The following SPINDOC variants were observed in gnomAD, a reference collection of about 807,000 sequenced individuals.
SPINDOC encodes the protein spindlin interactor and repressor of chromatin-binding protein.
In SPINDOC, 13 loss-of-function variants were observed where a neutral mutation model predicts 30.7. The observed-to-expected ratio is 0.42, with a 90% CI of 0.28 to 0.67. The LOEUF is 0.67. Among genes scored for constraint, SPINDOC ranks in the 30% least tolerant of loss-of-function variants. SPINDOC has a pLI of 0.22. For missense variants in SPINDOC, 438 were observed against 518.0 expected, an observed-to-expected ratio of 0.85 and a Z score of 1.50; for synonymous variants, 228 against 211.4, an observed-to-expected ratio of 1.08 and a Z score of -0.68.
At position 63,819,994 on chromosome 11, in the gene SPINDOC, A is replaced by G. The variant is rs145084111; in HGVS notation, c.934+992A>G. Among the ~76,000 whole-genome samples the G allele has an allele frequency of 1.1e-3, 161 of 152,294 alleles. 1 individual carries two copies. Among genetic ancestry groups the G allele is most frequent in the Admixed American group, 7.5e-3 (115 of 15,286 alleles). On this transcript the variant is annotated intron_variant, in intron 5 of 5. Coordinates refer to ENST00000294244, the MANE Select transcript of SPINDOC (RefSeq NM_138471.3). ...AGCAATTCAGTTAGGTGTCCAGAGA[A>G]TAGATAAGATGAGCAGTGGACAGAC...
At chr11:63,820,726 C>G (rs961129360) in intron 5 of SPINDOC, among the ~76,000 whole-genome samples, 2 of 150,882 alleles carry the variant, frequency 1.3e-5, no homozygotes, top group Non-Finnish European at 1.5e-5. Context: ...CCCGTCTCTA[C>G]TAAAAATACA....
chr11:63,817,841 G>A lies in SPINDOC; in HGVS notation c.164G>A (p.Ser55Asn), dbSNP rs2015384822. The stretch of plus-strand genomic sequence containing the variant: ...GAGAAGACCCCACCGCCTAGACCCA[G>A]CCCGCTAGAGGCAGGCAGTGATGGC... ...QQEKTPPPRPSPLEAGSDGCE... is the reference protein window; with the variant it reads ...QQEKTPPPRPNPLEAGSDGCE... The change falls in exon 2 of 6, where the codon AGC (serine) becomes AAC (asparagine). Residue 55 changes from serine to asparagine, a missense_variant. Around this residue, in one of 3 missense-constraint regions of SPINDOC, gnomAD observed 129 missense variants for 152.7 expected, o/e 0.84. Transcript: ENST00000294244. The A allele has an allele frequency of 6.2e-7, 1 of 1,604,974 alleles. No homozygotes were observed. Among genetic ancestry groups the A allele is most frequent in the African/African-American group, 1.3e-5 (1 of 74,726 alleles).
At chr11:63,814,036 C>G (rs1304989263) in intron 1 of SPINDOC, among the ~76,000 whole-genome samples, 1 of 152,238 alleles carries the variant, frequency 6.6e-6, no homozygotes, top group Non-Finnish European at 1.5e-5. Context: ...CCCTTTCCCC[C>G]GCCCAGGGTC....
In SPINDOC at chr11:63,813,800, G is replaced by A. The variant is rs759476713; in HGVS notation, c.114G>A (p.Glu38=). Reference sequence around the variant, plus strand: ...TGGTGGCCGTAATTCCGCGGCCCGAGCCGATGCTCAGAGGTGAGGATGGAG... The same window carrying A: ...TGGTGGCCGTAATTCCGCGGCCCGAACCGATGCTCAGAGGTGAGGATGGAG... The part of the protein sequence containing the change: ...AMVVAVIPRP[E]PMLRVTQQEK... The change falls in exon 1 of 6, where the codon GAG becomes GAA. Residue 38 remains glutamate (E), a synonymous_variant. Transcript: ENST00000294244. The A allele has an allele frequency of 1.9e-6, 3 of 1,578,748 alleles. No homozygotes were observed. The highest frequency in any genetic ancestry group is 1.7e-6 in the Non-Finnish European group (2 of 1,162,974).
rs1375577672 is a variant in SPINDOC at position 63,826,941 on chromosome 11, G to C, written c.948G>C (p.Gly316=). The change falls in exon 6 of 6, where the codon GGG becomes GGC. Residue 316 remains glycine (G), a synonymous_variant. Coordinates refer to ENST00000294244, the MANE Select transcript of SPINDOC (RefSeq NM_138471.3). The stretch of plus-strand genomic sequence containing the variant: ...ATCCCTGCCCAGCTCCCCCTCCGGG[G>C]CTCCGCGGGACACTGGATCTCCAGG... ...AESPSPAPPP[G]LRGTLDLQVI... 2 of 1,556,654 alleles carry C rather than the reference G, an allele frequency of 1.3e-6. No homozygotes were observed. The highest frequency in any genetic ancestry group is 1.7e-5 in the Admixed American group (1 of 59,562).
At chr11:63,813,898 G>C in intron 1 of SPINDOC, 85 bp downstream of exon 1, 1 of 1,396,236 alleles carries the variant, frequency 7.2e-7, no homozygotes, top group Non-Finnish European at 9.4e-7. Context: ...TCCGGGACCC[G>C]GGCACCTTCT....
chr11:63,813,962 G>A, intron 1 of SPINDOC, 149 bp downstream of exon 1: 1 of 1,022,384 alleles, frequency 9.8e-7, no homozygotes, highest in Non-Finnish European at 1.3e-6. Context: ...GGTCCAGGGC[G>A]CGCTCTTGCA....
intron 1 of SPINDOC, among the ~76,000 whole-genome samples, chr11:63,814,590 A>G (rs1392611970): frequency 6.6e-6 from 1 of 152,156 alleles, no homozygotes; most frequent in East Asian, 1.9e-4. Context: ...ATGCATGAAA[A>G]TGCAAATATA....
chr11:63,818,219 C>T lies in SPINDOC; in HGVS notation c.461C>T (p.Ser154Leu), dbSNP rs376527514. 18 of 1,613,946 alleles carry T rather than the reference C, an allele frequency of 1.1e-5. No individual in the cohort carries two copies. The highest frequency in any genetic ancestry group is 1.6e-4 in the Middle Eastern group (1 of 6,084). ...ATTGTGCTCTTGCTCCCTGCAGACTCGGGCCAGGATGCCCACCCAGACCCA... is the reference window on the plus strand; with the variant it reads ...ATTGTGCTCTTGCTCCCTGCAGACTTGGGCCAGGATGCCCACCCAGACCCA... ...AEQPSPPNSDSGQDAHPDPDA... is the reference protein window; with the variant it reads ...AEQPSPPNSDLGQDAHPDPDA... The change falls in exon 3 of 6, where the codon TCG becomes TTG. Residue 154 changes from serine to leucine, a missense_variant. Coordinates refer to ENST00000294244, the MANE Select transcript of SPINDOC (RefSeq NM_138471.3). This position sits in a 1 kb window ranked among gnomAD's most constrained non-coding sequence, Gnocchi z 5.3.
chr11:63,823,247 T>C, intron 5 of SPINDOC: 1 of 1,284,052 alleles, frequency 7.8e-7, no homozygotes, highest in East Asian at 5.6e-5. Flanking sequence ...ACCCAAAGCT[T>C]GGACAGATTT....
At chr11:63,824,552 G>T (rs1160544076) in intron 5 of SPINDOC, among the ~76,000 whole-genome samples, 1 of 152,006 alleles carries the variant, frequency 6.6e-6, no homozygotes, top group Non-Finnish European at 1.5e-5. Context: ...CCGCAGCCGT[G>T]GGTCAGTGTC....
chr11:63,822,107 C>G (rs572328289), intron 5 of SPINDOC, among the ~76,000 whole-genome samples: 1 of 152,126 alleles, frequency 6.6e-6, no homozygotes, highest in South Asian at 2.1e-4. Flanking sequence ...CTTTAGGATG[C>G]CAAAGTGGGA....
At chr11:63,813,851 C>G (rs756568682) in intron 1 of SPINDOC, 38 bp downstream of exon 1, 12 of 1,474,066 alleles carry the variant, frequency 8.1e-6, no homozygotes, top group Non-Finnish European at 1.0e-5. Flanking sequence ...CGTCACGGTG[C>G]GGGGCCGGGG....
intron 1 of SPINDOC, among the ~76,000 whole-genome samples, chr11:63,814,927 C>T (rs1248320990): frequency 2.0e-5 from 3 of 152,212 alleles, no homozygotes; most frequent in African/African-American, 7.2e-5. Flanking sequence ...CAGGAATAGA[C>T]AGGTGAATTC....
chr11:63,825,940 T>A (rs1271847719), intron 5 of SPINDOC, among the ~76,000 whole-genome samples: 1 of 150,876 alleles, frequency 6.6e-6, no homozygotes, highest in African/African-American at 2.5e-5. Flanking sequence ...TTCAATGTAA[T>A]GTAACTTTTT....
intron 1 of SPINDOC, among the ~76,000 whole-genome samples, chr11:63,816,807 T>C (rs2015352650): frequency 6.6e-6 from 1 of 152,048 alleles, no homozygotes; most frequent in South Asian, 2.1e-4. Context: ...CAGGCAGCAA[T>C]AGGAGTGGGA....
rs758280880 is a variant in SPINDOC, at chr11:63,818,206, C to T, written c.458-10C>T. On this transcript the variant is annotated splice_polypyrimidine_tract_variant and intron_variant, in intron 2 of 5. Transcript: ENST00000294244. This position sits in a 1 kb window ranked among gnomAD's most constrained non-coding sequence, Gnocchi z 5.3. The stretch of plus-strand genomic sequence containing the variant: ...GCACTAGAAGCTCATTGTGCTCTTG[C>T]TCCCTGCAGACTCGGGCCAGGATGC... The T allele has an allele frequency of 6.2e-6, 10 of 1,613,974 alleles. No homozygotes were observed. The East Asian group carries it at 2.0e-4, about 32-fold the overall frequency.
chr11:63,818,690 G>T lies in SPINDOC; in HGVS notation c.733+38G>T, dbSNP rs375977183. 6.2e-6 allele frequency: 10 copies of T among 1,612,040 alleles called. No individual in the cohort carries two copies. The highest frequency in any genetic ancestry group is 4.4e-5 in the South Asian group (4 of 90,994). ...CCCGGGGGAGGCGTGGGCTCTGGCC[G>T]CAGTGCTCTGAGGAAATCCGCATCA... On this transcript the variant is annotated intron_variant, in intron 4 of 5. Coordinates refer to ENST00000294244, the MANE Select transcript of SPINDOC (RefSeq NM_138471.3). The surrounding 1 kb of genome is among the most constrained non-coding windows in gnomAD (Gnocchi z 5.3).
intron 5 of SPINDOC, among the ~76,000 whole-genome samples, chr11:63,825,617 G>C (rs2015637387): frequency 1.3e-5 from 2 of 152,170 alleles, no homozygotes; most frequent in Admixed American, 1.3e-4. Flanking sequence ...TGGGCATATA[G>C]TACTCAATAA....
Sources: allele counts gnomAD v4.1 joint callset (sites outside exome capture counted in the v4.1 genomes callset), GRCh38; gene constraint gnomAD v4.1.1; regional missense constraint gnomAD v4.1.1; non-coding constraint Gnocchi (gnomAD v3.1); transcripts MANE v1.5; gene names NCBI Gene and HGNC (gene_info 2026-07-23, HGNC 2026-07-21).